SHISAL1: variants seen among roughly 807,000 people sequenced by gnomAD.
The protein encoded by SHISAL1 is shisa like 1.
SHISAL1 carries 9 observed loss-of-function variants against 22.6 expected under a neutral mutation model. The observed-to-expected ratio is 0.40, with a 90% confidence interval of 0.24 to 0.70. The LOEUF is 0.70. Among genes scored for constraint, SHISAL1 ranks in the 30% least tolerant of loss-of-function variants. The probability of loss-of-function intolerance (pLI) is 0.39; values close to 1 mark genes in which losing one functional copy is unlikely to be tolerated. For synonymous variants in SHISAL1, 119 were observed against 115.4 expected (o/e 1.03, Z -0.20); for missense variants, 246 against 270.6 (o/e 0.91, Z 0.64).
rs544473915 is a variant in SHISAL1 at position 44,271,705 on chromosome 22, G to A, written c.599+13723C>T. ...CCCTGCAAAGCCTAATCTGGGAGCCGGGCCTATTAAGGGCCCCTGAACTAA... is the reference window on the plus strand; with the variant it reads ...CCCTGCAAAGCCTAATCTGGGAGCCAGGCCTATTAAGGGCCCCTGAACTAA... On this transcript the variant is annotated intron_variant, in intron 4 of 4. Coordinates refer to ENST00000381176, the MANE Select transcript of SHISAL1 (RefSeq NM_001099294.2). Among the ~76,000 whole-genome samples the A allele has an allele frequency of 7.9e-5, 12 of 152,272 alleles. 1 individual carries two copies. The South Asian group carries it at 8.3e-4, about 11-fold the overall frequency.
rs2055511371 is a variant in SHISAL1, at chr22:44,310,576, GA to G, written c.-33+2174del. 6.6e-6 allele frequency among the ~76,000 whole-genome samples: 1 copy of G among 152,132 alleles called. No homozygotes were observed. Among genetic ancestry groups the G allele is most frequent in the Admixed American group, 6.5e-5 (1 of 15,278 alleles). On this transcript the variant is annotated intron_variant, in intron 1 of 4. Coordinates refer to ENST00000381176, the MANE Select transcript of SHISAL1 (RefSeq NM_001099294.2). The surrounding 1 kb of genome is among the most constrained non-coding windows in gnomAD (Gnocchi z 4.0). ...ACACCTTGCAGGTATACCAAACATA[GA>G]AAGGACCAGAAGCTAGCAGGGCACC...
At chr22:44,325,391 G>A in the SHISAL1 span, among the ~76,000 whole-genome samples, 19 of 152,188 alleles carry the variant, frequency 1.2e-4, 1 homozygote, top group African/African-American at 3.4e-4. Context: ...AGAGACCGAG[G>A]CTCAGAGCTG....
chr22:44,266,707 CA>C (rs1485746718), intron 4 of SHISAL1, among the ~76,000 whole-genome samples: 4 of 151,926 alleles, frequency 2.6e-5, no homozygotes, highest in South Asian at 2.1e-4. Flanking sequence ...GAGTTTCTGA[CA>C]AAATGGCAAG....
intron 3 of SHISAL1, among the ~76,000 whole-genome samples, chr22:44,289,820 C>T (rs1410986801): frequency 2.0e-5 from 3 of 152,210 alleles, no homozygotes; most frequent in Non-Finnish European, 2.9e-5. Context: ...AAATTAATTC[C>T]ATCCAGATGC....
chr22:44,263,420 G>C (rs2055140233), intron 4 of SHISAL1, among the ~76,000 whole-genome samples: 1 of 152,210 alleles, frequency 6.6e-6, no homozygotes, highest in African/African-American at 2.4e-5. Context: ...GAAAGGGGGA[G>C]ATGCTATTAA....
intron 3 of SHISAL1, among the ~76,000 whole-genome samples, chr22:44,296,419 C>T (rs2055386280): frequency 6.6e-6 from 1 of 151,802 alleles, no homozygotes; most frequent in African/African-American, 2.4e-5. Context: ...CTCATTCTCC[C>T]AAAGTGCTAG....
chr22:44,269,034 CCTGATGCTGGGG>C (rs2055186050), intron 4 of SHISAL1, among the ~76,000 whole-genome samples: 1 of 152,070 alleles, frequency 6.6e-6, no homozygotes, highest in African/African-American at 2.4e-5. Context: ...CTGGCCTGTC[CCTGATGCTGGGG>C]CTGCTTCCCC....
At chr22:44,274,951 G>A (rs1812733379) in intron 4 of SHISAL1, among the ~76,000 whole-genome samples, 1 of 152,218 alleles carries the variant, frequency 6.6e-6, no homozygotes, top group Non-Finnish European at 1.5e-5. Flanking sequence ...GTACTGACGG[G>A]AACACTGAGG....
intron 1 of SHISAL1, among the ~76,000 whole-genome samples, chr22:44,311,488 A>G (rs1350389913): frequency 6.6e-6 from 1 of 152,198 alleles, no homozygotes; most frequent in African/African-American, 2.4e-5. Context: ...TCTGAGTCCA[A>G]GTTACAAACT....
At chr22:44,266,759 G>A (rs1393488219) in intron 4 of SHISAL1, among the ~76,000 whole-genome samples, 3 of 152,042 alleles carry the variant, frequency 2.0e-5, no homozygotes, top group East Asian at 1.9e-4. Context: ...GGAAATGGCC[G>A]TGCTCTGCAA....
the SHISAL1 span, among the ~76,000 whole-genome samples, chr22:44,319,021 T>G: frequency 1.3e-5 from 2 of 152,126 alleles, no homozygotes; most frequent in Admixed American, 1.3e-4. Flanking sequence ...GCTCAAAGGG[T>G]CCCGTTGTAC....
chr22:44,289,496 T>TGTGTGTGTG (rs768987294), intron 3 of SHISAL1, among the ~76,000 whole-genome samples: 14,516 of 137,678 alleles, frequency 0.11, 827 homozygotes, highest in Non-Finnish European at 0.15. Context: ...GTGTGTGTGT[T>TGTGTGTGTG]TACTGCCGGG....
At chr22:44,298,589 G>A (rs1407122591) in intron 2 of SHISAL1, among the ~76,000 whole-genome samples, 1 of 152,224 alleles carries the variant, frequency 6.6e-6, no homozygotes, top group Non-Finnish European at 1.5e-5. Flanking sequence ...GGGCAGCTGG[G>A]GAGGAACCAG....
intron 3 of SHISAL1, 53 bp downstream of exon 3, chr22:44,296,619 C>T (rs2055387852): frequency 1.3e-6 from 2 of 1,550,500 alleles, no homozygotes; most frequent in African/African-American, 2.7e-5. Context: ...GGGAGGCAGG[C>T]CCCTTGCCTG....
chr22:44,327,813 G>C, the SHISAL1 span, among the ~76,000 whole-genome samples: 1 of 152,306 alleles, frequency 6.6e-6, no homozygotes, highest in East Asian at 1.9e-4. Flanking sequence ...GGGTGGGCAG[G>C]GCCTCGGGTC....
At chr22:44,266,236 T>A (rs1474892420) in intron 4 of SHISAL1, among the ~76,000 whole-genome samples, 1 of 152,108 alleles carries the variant, frequency 6.6e-6, no homozygotes, top group Admixed American at 6.5e-5. Flanking sequence ...ACTCAAGAAA[T>A]GTATATCCTA....
intron 4 of SHISAL1, among the ~76,000 whole-genome samples, chr22:44,259,333 G>A (rs1005241296): frequency 2.6e-5 from 4 of 152,154 alleles, no homozygotes; most frequent in African/African-American, 9.7e-5. Context: ...AGCTACTCAG[G>A]AGGCTGAGGC....
chr22:44,276,338 A>G (rs2055239458), intron 4 of SHISAL1, among the ~76,000 whole-genome samples: 1 of 152,172 alleles, frequency 6.6e-6, no homozygotes, highest in South Asian at 2.1e-4. Context: ...AGATGAGGAC[A>G]GAGGGACAGT....
chr22:44,268,516 C>T (rs896052915), intron 4 of SHISAL1, among the ~76,000 whole-genome samples: 1 of 152,100 alleles, frequency 6.6e-6, no homozygotes, highest in Admixed American at 6.6e-5. Context: ...GGTTAAACAG[C>T]GAGGCTGTGG....
Sources: allele counts gnomAD v4.1 joint callset (sites outside exome capture counted in the v4.1 genomes callset), GRCh38; gene constraint gnomAD v4.1.1; non-coding constraint Gnocchi (gnomAD v3.1); transcripts MANE v1.5; gene names NCBI Gene and HGNC (gene_info 2026-07-23, HGNC 2026-07-21).